Variants in ZMIZ1 observed in about 807,000 individuals in gnomAD.
The protein encoded by ZMIZ1 is zinc finger MIZ-type containing 1.
In ZMIZ1, 17 loss-of-function variants were observed where a neutral mutation model predicts 113.9. The observed-to-expected ratio is 0.15, with a 90% CI of 0.10 to 0.22. The LOEUF (loss-of-function observed/expected upper bound fraction) is 0.22. Ranked by LOEUF, ZMIZ1 falls within the 10% of genes least tolerant of loss-of-function variation. The pLI is 1.00. For missense variants in ZMIZ1, 1,059 were observed against 1,477.8 expected (o/e 0.72, Z 4.65); for synonymous variants, 607 against 603.1 (o/e 1.01, Z -0.09).
At chr10:79,160,575 A>G (rs1846072177) in intron 3 of ZMIZ1, among the ~76,000 whole-genome samples, 1 of 152,256 alleles carries the variant, frequency 6.6e-6, no homozygotes, top group African/African-American at 2.4e-5. Context: ...AAACGTGTCC[A>G]AGTCACACAC....
intron 3 of ZMIZ1, among the ~76,000 whole-genome samples, chr10:79,157,371 GT>G (rs1554859157): frequency 0.019 from 615 of 32,060 alleles, 4 homozygotes; most frequent in African/African-American, 0.16. Flanking sequence ...CATAAGGGGT[GT>G]GTGTGTGTGT....
intron 1 of ZMIZ1, among the ~76,000 whole-genome samples, chr10:79,090,525 A>G (rs542628057): frequency 1.3e-5 from 2 of 152,290 alleles, no homozygotes; most frequent in South Asian, 2.1e-4. Flanking sequence ...CCCTACTGGC[A>G]TGTGGGATCC....
At chr10:79,194,800 G>A (rs897947905) in intron 4 of ZMIZ1, among the ~76,000 whole-genome samples, 3 of 152,138 alleles carry the variant, frequency 2.0e-5, no homozygotes, top group African/African-American at 4.8e-5. Flanking sequence ...CATAATAGCC[G>A]CTAACTTTTC....
intron 1 of ZMIZ1, among the ~76,000 whole-genome samples, chr10:79,092,255 T>G (rs994537836): frequency 1.3e-5 from 2 of 152,358 alleles, no homozygotes; most frequent in Middle Eastern, 3.4e-3. Context: ...GAACTGACAT[T>G]GCCTGTTCTC....
At chr10:79,223,670 G>A (rs1472547894) in intron 7 of ZMIZ1, among the ~76,000 whole-genome samples, 1 of 152,266 alleles carries the variant, frequency 6.6e-6, no homozygotes, top group Non-Finnish European at 1.5e-5. Context: ...GGAGGAAACG[G>A]GAAGACACAG....
intron 7 of ZMIZ1, among the ~76,000 whole-genome samples, chr10:79,268,297 A>G (rs926222624): frequency 2.6e-5 from 4 of 152,214 alleles, no homozygotes; most frequent in Non-Finnish European, 5.9e-5. Flanking sequence ...AACATGTGTC[A>G]TGTGACTCAG....
chr10:79,189,439 G>C (rs1016395846), intron 4 of ZMIZ1, among the ~76,000 whole-genome samples: 2 of 152,218 alleles, frequency 1.3e-5, no homozygotes, highest in African/African-American at 4.8e-5. Context: ...TGCTCAGGGC[G>C]AGGCTAAGTT....
At chr10:79,278,118 C>T (rs982021947) in intron 8 of ZMIZ1, among the ~76,000 whole-genome samples, 1 of 152,250 alleles carries the variant, frequency 6.6e-6, no homozygotes, top group African/African-American at 2.4e-5. Context: ...CTGCTGGGAA[C>T]TCGGGTGTCA....
At chr10:79,096,690 G>A (rs937447581) in intron 1 of ZMIZ1, among the ~76,000 whole-genome samples, 4 of 152,190 alleles carry the variant, frequency 2.6e-5, no homozygotes, top group African/African-American at 9.7e-5. Context: ...CCTGCTTTCA[G>A]ACCTGGATGT....
At chr10:79,208,053 G>T (rs1329024068) in intron 5 of ZMIZ1, among the ~76,000 whole-genome samples, 1 of 147,138 alleles carries the variant, frequency 6.8e-6, no homozygotes, top group African/African-American at 2.5e-5. Flanking sequence ...GGGGATGGGG[G>T]TAGAGGTGGA....
chr10:79,240,417 G>A (rs955899414), intron 7 of ZMIZ1, among the ~76,000 whole-genome samples: 2 of 152,224 alleles, frequency 1.3e-5, no homozygotes, highest in Non-Finnish European at 2.9e-5. Context: ...AACAAGTGGA[G>A]AAGGCCCTCT....
chr10:79,292,742 C>A, intron 11 of ZMIZ1: 1 of 470,956 alleles, frequency 2.1e-6, no homozygotes. Flanking sequence ...CCTCTGAGAC[C>A]AGTGCCCTCC....
At chr10:79,085,675 C>T (rs1333964008) in intron 1 of ZMIZ1, among the ~76,000 whole-genome samples, 1 of 152,346 alleles carries the variant, frequency 6.6e-6, no homozygotes, top group Non-Finnish European at 1.5e-5. Flanking sequence ...TTACCAGCAG[C>T]AGGCAACAGG....
At chr10:79,151,744 G>GCCC (rs1443866251) in intron 3 of ZMIZ1, among the ~76,000 whole-genome samples, 1 of 152,220 alleles carries the variant, frequency 6.6e-6, no homozygotes, top group African/African-American at 2.4e-5. Context: ...GCCCGGGTGG[G>GCCC]CCCCACTGCC....
chr10:79,255,293 A>C (rs1284237924), intron 7 of ZMIZ1, among the ~76,000 whole-genome samples: 1 of 152,228 alleles, frequency 6.6e-6, no homozygotes, highest in Non-Finnish European at 1.5e-5. Context: ...GGCAAATCCC[A>C]GATGGGGAAG....
At chr10:79,075,400 A>T (rs935012718) in intron 1 of ZMIZ1, among the ~76,000 whole-genome samples, 7 of 152,148 alleles carry the variant, frequency 4.6e-5, no homozygotes, top group Non-Finnish European at 7.3e-5. Flanking sequence ...CACTTCAGGG[A>T]AAGTCTGGAA....
In ZMIZ1 at chr10:79,302,137, C is replaced by T. The variant is rs750104148; in HGVS notation, c.2050C>T (p.Arg684Trp). ...CCTCTTCGTGCTGCAGCTGGTACAC[C>T]GGCCCTCCGTCCGCTCTGTGCTGCA... Reference protein sequence around the residue: ...SHLFVLQLVHRPSVRSVLQGL... With the variant: ...SHLFVLQLVHWPSVRSVLQGL... Residue 684 changes from arginine (R) to tryptophan (W), a missense_variant, in exon 18 of 25, where the codon CGG becomes TGG. Arg to Trp is a moderately radical substitution (Grantham distance 101). Transcript: ENST00000334512. 1.9e-6 allele frequency: 3 copies of T among 1,613,996 alleles called. No individual in the cohort carries two copies. The highest frequency in any genetic ancestry group is 2.2e-5 in the South Asian group (2 of 91,084).
intron 4 of ZMIZ1, among the ~76,000 whole-genome samples, chr10:79,181,658 C>T (rs1017727384): frequency 6.6e-5 from 10 of 152,228 alleles, no homozygotes; most frequent in African/African-American, 2.4e-4. Context: ...CCTGGCTGTC[C>T]AGGTCACACC....
intron 7 of ZMIZ1, among the ~76,000 whole-genome samples, chr10:79,270,483 T>C (rs1227987383): frequency 6.6e-6 from 1 of 152,214 alleles, no homozygotes; most frequent in African/African-American, 2.4e-5. Flanking sequence ...ATACCAGCCC[T>C]GGTCGCACAC....
Sources: allele counts gnomAD v4.1 joint callset (sites outside exome capture counted in the v4.1 genomes callset), GRCh38; gene constraint gnomAD v4.1.1; transcripts MANE v1.5; gene names NCBI Gene and HGNC (gene_info 2026-07-23, HGNC 2026-07-21).